The following CELF4 variants were observed in gnomAD, a reference collection of about 807,000 sequenced individuals.
The protein encoded by CELF4 is CUGBP Elav-like family member 4.
In CELF4, 18 loss-of-function variants were observed where a neutral mutation model predicts 59.9. That is an observed-to-expected ratio of 0.30 (90% CI 0.21 to 0.45). CELF4 has a LOEUF of 0.45. CELF4 is among the 20% of genes least tolerant of loss of function. The pLI is 1.00. For missense variants in CELF4, 456 were observed against 689.0 expected (o/e 0.66, Z 3.79); for synonymous variants, 261 against 267.1 (o/e 0.98, Z 0.22).
In CELF4 at chr18:37,286,816, G is replaced by A. The variant is rs575440789; in HGVS notation, c.449-11573C>T. Among the ~76,000 whole-genome samples, 3 of 152,188 alleles carry A rather than the reference G, an allele frequency of 2.0e-5. No homozygotes were observed. In the South Asian group the frequency reaches 6.2e-4, roughly 32 times the overall value. Reference sequence around the variant, plus strand: ...CCTCTAGCGACCCTGGGTTGGGAGTGGGTCTTCAGAGGCCACCTGGCCCAG... The same window carrying A: ...CCTCTAGCGACCCTGGGTTGGGAGTAGGTCTTCAGAGGCCACCTGGCCCAG... On this transcript the variant is annotated intron_variant, in intron 3 of 12. Transcript: ENST00000420428.
At chr18:37,558,296 C>G (rs2099985438) in intron 1 of CELF4, among the ~76,000 whole-genome samples, 1 of 151,610 alleles carries the variant, frequency 6.6e-6, no homozygotes, top group Non-Finnish European at 1.5e-5. Context: ...CTATGCGGAA[C>G]TTGATGGGTG....
At chr18:37,273,592 G>C in intron 6 of CELF4, 1 of 992,024 alleles carries the variant, frequency 1.0e-6, no homozygotes, top group Non-Finnish European at 1.2e-6. Flanking sequence ...GAAGTGACAG[G>C]AGAATTATGA....
intron 2 of CELF4, among the ~76,000 whole-genome samples, chr18:37,379,570 T>C (rs2154568764): frequency 6.9e-6 from 1 of 145,742 alleles, no homozygotes; most frequent in East Asian, 2.1e-4. Flanking sequence ...CAGCAAGATC[T>C]GGGGTCCCAT....
At chr18:37,490,875 G>C (rs1015306719) in intron 1 of CELF4, among the ~76,000 whole-genome samples, 4 of 152,164 alleles carry the variant, frequency 2.6e-5, no homozygotes, top group Non-Finnish European at 4.4e-5. Context: ...CACTGTCTGG[G>C]ATGGTTCTCC....
At chr18:37,380,363 C>T (rs183000942) in intron 2 of CELF4, among the ~76,000 whole-genome samples, 3 of 152,270 alleles carry the variant, frequency 2.0e-5, no homozygotes, top group Non-Finnish European at 1.5e-5. Context: ...GCTCTCTCTC[C>T]CAACTACTCC....
chr18:37,550,812 T>TC lies in CELF4; in HGVS notation c.286+14543dup, dbSNP rs1210183244. Among the ~76,000 whole-genome samples, 6 of 152,228 alleles carry TC rather than the reference T, an allele frequency of 3.9e-5. No individual in the cohort carries two copies. The East Asian group carries it at 1.2e-3, about 29-fold the overall frequency. Reference sequence around the variant, plus strand: ...TCTGGCCTGGCCTGTGCCAGAAAATTCCCCCCGATTAGAGACGTTTCTTTG... The same window carrying TC: ...TCTGGCCTGGCCTGTGCCAGAAAATTCCCCCCCGATTAGAGACGTTTCTTTG... On this transcript the variant is annotated intron_variant, in intron 1 of 12. Transcript: ENST00000420428.
intron 1 of CELF4, among the ~76,000 whole-genome samples, chr18:37,490,001 A>G (rs1228351802): frequency 6.6e-6 from 1 of 152,204 alleles, no homozygotes; most frequent in Non-Finnish European, 1.5e-5. Flanking sequence ...ATAGCAAAAA[A>G]AAATTAAAAA....
chr18:37,443,014 C>G (rs879409699), intron 2 of CELF4, among the ~76,000 whole-genome samples: 7 of 152,176 alleles, frequency 4.6e-5, no homozygotes, highest in African/African-American at 7.2e-5. Context: ...CTAAGCCTCC[C>G]CTGACTTCTG....
chr18:37,494,297 C>T (rs2099922393), intron 1 of CELF4, among the ~76,000 whole-genome samples: 1 of 152,240 alleles, frequency 6.6e-6, no homozygotes, highest in South Asian at 2.1e-4. Context: ...GCCTGTCCCC[C>T]TTTTCAGCAA....
chr18:37,348,184 C>T (rs1374067735), intron 2 of CELF4, among the ~76,000 whole-genome samples: 2 of 152,088 alleles, frequency 1.3e-5, no homozygotes, highest in African/African-American at 4.8e-5. Context: ...TTGGAAAGAG[C>T]ACAGAGATCA....
intron 3 of CELF4, among the ~76,000 whole-genome samples, chr18:37,297,937 G>A (rs894229119): frequency 6.6e-6 from 1 of 152,388 alleles, no homozygotes; most frequent in South Asian, 2.1e-4. Context: ...GCATTCAGCA[G>A]AGACTGTTGG....
At chr18:37,279,734 G>T (rs1174073201) in intron 3 of CELF4, among the ~76,000 whole-genome samples, 1 of 152,210 alleles carries the variant, frequency 6.6e-6, no homozygotes, top group Non-Finnish European at 1.5e-5. Flanking sequence ...CCCAAGAACT[G>T]CTGTCCCTGC....
chr18:37,515,854 C>T (rs925542879), intron 1 of CELF4, among the ~76,000 whole-genome samples: 19 of 152,078 alleles, frequency 1.2e-4, no homozygotes, highest in African/African-American at 4.3e-4. Flanking sequence ...TCCTGAAAGG[C>T]TGGAGTGGGT....
rs772877227 is a variant in CELF4, at chr18:37,266,537, T to A, written c.1161A>T (p.Ala387=). ...TGGGGACGCGTGGATACTAACGACC[T>A]GCATACTGCTGCACTCCGGCGTAGG... The part of the protein sequence containing the change: ...QQAYAGVQQY[A]GPAAYPAAYG... The change falls in exon 9 of 13, where the codon GCA becomes GCT. Residue 387 remains alanine (A), a synonymous_variant. Transcript: ENST00000420428. 2 of 1,593,336 alleles carry A rather than the reference T, an allele frequency of 1.3e-6. No homozygotes were observed. The highest frequency in any genetic ancestry group is 1.7e-6 in the Non-Finnish European group (2 of 1,171,414).
intron 2 of CELF4, among the ~76,000 whole-genome samples, chr18:37,365,481 ATTTTTTTTT>A (rs10670336): frequency 1.0e-5 from 1 of 97,764 alleles, no homozygotes; most frequent in African/African-American, 4.3e-5. Context: ...GGATGGGGCA[ATTTTTTTTT>A]TTTTTTTTTT....
intron 2 of CELF4, among the ~76,000 whole-genome samples, chr18:37,470,873 T>TGAGAGAGAGA (rs1569569543): frequency 9.6e-6 from 1 of 104,038 alleles, no homozygotes; most frequent in Non-Finnish European, 2.0e-5. Flanking sequence ...TGTGTGTGTG[T>TGAGAGAGAGA]GTGTGTGTGT....
At chr18:37,539,873 G>C (rs2099976545) in intron 1 of CELF4, among the ~76,000 whole-genome samples, 1 of 152,174 alleles carries the variant, frequency 6.6e-6, no homozygotes, top group Non-Finnish European at 1.5e-5. Context: ...TGCTGTCATG[G>C]GCTTGCTGTG....
chr18:37,275,900 A>T (rs2154366230), intron 3 of CELF4: 1 of 152,372 alleles, frequency 6.6e-6, no homozygotes, highest in East Asian at 1.9e-4. Context: ...ATTCCCTGGG[A>T]TGCTCACTGG....
intron 2 of CELF4, among the ~76,000 whole-genome samples, chr18:37,359,053 G>A (rs553771928): frequency 6.6e-6 from 1 of 152,230 alleles, no homozygotes; most frequent in South Asian, 2.1e-4. Context: ...AGCCAAGATC[G>A]CCCCACTGTA....
Sources: gnomAD v4.1 joint callset for allele counts (sites outside exome capture counted in the v4.1 genomes callset) on GRCh38, gnomAD v4.1.1 for gene constraint, MANE v1.5 for transcripts, NCBI Gene and HGNC (gene_info 2026-07-23, HGNC 2026-07-21) for gene names.